The following LHFPL3 variants were observed in gnomAD, a reference collection of about 807,000 sequenced individuals.
The protein encoded by LHFPL3 is LHFPL tetraspan subfamily member 3 protein.
In LHFPL3, 5 loss-of-function variants were observed where a neutral mutation model predicts 19.3. The observed-to-expected ratio is 0.26, with a 90% CI of 0.14 to 0.54. The LOEUF is 0.54. Ranked by LOEUF, LHFPL3 falls within the 20% of genes least tolerant of loss-of-function variation. The pLI is 0.94. For synonymous variants in LHFPL3, 133 were observed against 126.2 expected (o/e 1.05, Z -0.36); for missense variants, 249 against 307.4 (o/e 0.81, Z 1.42).
At chr7:104,396,586 C>G (rs1791189309) in intron 1 of LHFPL3, among the ~76,000 whole-genome samples, 1 of 150,810 alleles carries the variant, frequency 6.6e-6, no homozygotes, top group South Asian at 2.1e-4. Flanking sequence ...TTTCTCCAGC[C>G]CATACCCTTC....
chr7:104,406,886 T>C (rs1329770103), intron 1 of LHFPL3, among the ~76,000 whole-genome samples: 1 of 152,034 alleles, frequency 6.6e-6, no homozygotes, highest in Non-Finnish European at 1.5e-5. Flanking sequence ...GCATAGTCTA[T>C]CTTTCTGGAA....
chr7:104,840,718 T>G (rs1306704078), intron 2 of LHFPL3, among the ~76,000 whole-genome samples: 4 of 151,996 alleles, frequency 2.6e-5, no homozygotes, highest in Admixed American at 2.0e-4. Flanking sequence ...TACTCAGCAT[T>G]CCACCTATTA....
At chr7:104,892,524 A>G (rs1007838487) in intron 2 of LHFPL3, among the ~76,000 whole-genome samples, 7 of 152,014 alleles carry the variant, frequency 4.6e-5, no homozygotes, top group Admixed American at 1.3e-4. Flanking sequence ...CAGCCTGGCC[A>G]ACATAGAGAA....
rs1455586535 is a variant in LHFPL3, at chr7:104,429,480, G to GT, written c.445+100260dup. ...CCACAACTATGCCAGGCTATTTTTT[G>GT]TTTTGTTTTTTTTTTAGTAGAGATG... On this transcript the variant is annotated intron_variant, in intron 1 of 2. Transcript: ENST00000424859. 2.0e-3 allele frequency among the ~76,000 whole-genome samples: 284 copies of GT among 140,504 alleles called. 3 individuals are homozygous for GT. The highest frequency in any genetic ancestry group is 4.8e-3 in the African/African-American group (167 of 35,088). 92.2% of individuals were successfully genotyped at this position (140,504 alleles called of 152,430 possible).
At position 104,908,089 on chromosome 7, in the gene LHFPL3, G is replaced by A. The variant is rs1019184882; in HGVS notation, c.*1874G>A. 1.3e-5 allele frequency among the ~76,000 whole-genome samples: 2 copies of A among 152,110 alleles called. No homozygotes were observed. The highest frequency in any genetic ancestry group is 4.8e-5 in the African/African-American group (2 of 41,430). ...TTCAAGAATTCGTATTTTATTTGAA[G>A]GGAGGTACCTGTCTACTTTATCTAC... is the stretch of plus-strand genomic sequence containing the variant. On this transcript the variant is annotated 3_prime_UTR_variant, in exon 3 of 3. Coordinates refer to ENST00000424859, the MANE Select transcript of LHFPL3 (RefSeq NM_199000.3).
At chr7:104,812,106 T>C (rs2116503105) in intron 2 of LHFPL3, among the ~76,000 whole-genome samples, 1 of 152,318 alleles carries the variant, frequency 6.6e-6, no homozygotes, top group South Asian at 2.1e-4. Flanking sequence ...AGCCTTTCTG[T>C]TTGTTGTCAA....
intron 1 of LHFPL3, among the ~76,000 whole-genome samples, chr7:104,612,691 C>T (rs141281137): frequency 2.6e-5 from 4 of 152,252 alleles, no homozygotes; most frequent in East Asian, 1.9e-4. Context: ...ACCTTCATGC[C>T]GCTCAGCTGA....
intron 2 of LHFPL3, among the ~76,000 whole-genome samples, chr7:104,819,293 G>A (rs1022491086): frequency 6.6e-6 from 1 of 150,994 alleles, no homozygotes; most frequent in African/African-American, 2.4e-5. Flanking sequence ...ATTCACCAGG[G>A]TTCACCAGTT....
chr7:104,712,137 C>T (rs781036387), intron 1 of LHFPL3, among the ~76,000 whole-genome samples: 2 of 152,056 alleles, frequency 1.3e-5, no homozygotes, highest in African/African-American at 2.4e-5. Flanking sequence ...TCATATAAGT[C>T]CTTAAAAGTA....
chr7:104,398,236 G>C (rs1791233793), intron 1 of LHFPL3, among the ~76,000 whole-genome samples: 1 of 152,138 alleles, frequency 6.6e-6, no homozygotes, highest in Admixed American at 6.5e-5. Flanking sequence ...CTTTCCACTT[G>C]TTCACACTTA....
chr7:104,668,488 G>A (rs1028929637), intron 1 of LHFPL3: 59 of 1,612,794 alleles, frequency 3.7e-5, no homozygotes, highest in Non-Finnish European at 4.7e-5. Flanking sequence ...GATATGGATC[G>A]ATATGGTGGC....
chr7:104,554,238 T>G (rs570466088), intron 1 of LHFPL3, among the ~76,000 whole-genome samples: 17 of 152,164 alleles, frequency 1.1e-4, no homozygotes, highest in African/African-American at 3.4e-4. Flanking sequence ...CTAATCTCAG[T>G]TAATTCAACA....
chr7:104,664,864 A>G (rs138358296), intron 1 of LHFPL3, among the ~76,000 whole-genome samples: 67 of 152,284 alleles, frequency 4.4e-4, no homozygotes, highest in African/African-American at 1.5e-3. Context: ...ATGGGACTAG[A>G]TGCAGTGGTA....
chr7:104,603,036 GA>G (rs1300201962), intron 1 of LHFPL3, among the ~76,000 whole-genome samples: 1 of 151,416 alleles, frequency 6.6e-6, no homozygotes, highest in African/African-American at 2.4e-5. Context: ...TTACAATGAG[GA>G]TTAAGTTTTC....
intron 1 of LHFPL3, among the ~76,000 whole-genome samples, chr7:104,649,161 C>A (rs1791984058): frequency 6.6e-6 from 1 of 152,138 alleles, no homozygotes; most frequent in Admixed American, 6.5e-5. Context: ...CACTTAATTG[C>A]ATTAATTGGA....
intron 2 of LHFPL3, among the ~76,000 whole-genome samples, chr7:104,866,036 G>C (rs1791713672): frequency 6.6e-6 from 1 of 152,188 alleles, no homozygotes; most frequent in African/African-American, 2.4e-5. Flanking sequence ...GAGAGATTTT[G>C]TCACCACTAG....
intron 2 of LHFPL3, among the ~76,000 whole-genome samples, chr7:104,779,176 A>G (rs538383614): frequency 1.1e-4 from 16 of 152,136 alleles, no homozygotes; most frequent in Non-Finnish European, 2.1e-4. Flanking sequence ...TTCTTTATCT[A>G]TTGAACGGGA....
At chr7:104,540,895 C>A (rs1358508136) in intron 1 of LHFPL3, among the ~76,000 whole-genome samples, 1 of 152,142 alleles carries the variant, frequency 6.6e-6, no homozygotes, top group East Asian at 1.9e-4. Context: ...TAGCTCAAAG[C>A]CATCATTATC....
At chr7:104,379,068 G>C (rs1790770483) in intron 1 of LHFPL3, among the ~76,000 whole-genome samples, 2 of 152,182 alleles carry the variant, frequency 1.3e-5, no homozygotes, top group African/African-American at 4.8e-5. Context: ...ATCATATAAG[G>C]TGAGAGTTCT....
Sources: allele counts gnomAD v4.1 joint callset (sites outside exome capture counted in the v4.1 genomes callset), GRCh38; gene constraint gnomAD v4.1.1; transcripts MANE v1.5; gene names NCBI Gene and HGNC (gene_info 2026-07-23, HGNC 2026-07-21).